Variants in TMPRSS11A observed in about 807,000 individuals in gnomAD.
TMPRSS11A encodes transmembrane serine protease 11A, also known as transmembrane protease serine 11A.
TMPRSS11A carries 53 observed loss-of-function variants against 58.9 expected under a neutral mutation model. That is an observed-to-expected ratio of 0.90 (90% confidence interval 0.72 to 1.13). The LOEUF (loss-of-function observed/expected upper bound fraction) is 1.13, where lower values mean the gene tolerates loss of function less well. Among genes scored for constraint, TMPRSS11A ranks in the 50% most tolerant of loss-of-function variants. TMPRSS11A has a pLI of 0.00. For synonymous variants in TMPRSS11A, 167 were observed against 169.8 expected (o/e 0.98, Z 0.13); for missense variants, 493 against 499.3 (o/e 0.99, Z 0.12).
At chr4:67,926,395 C>T (rs749044553) in intron 5 of TMPRSS11A, among the ~76,000 whole-genome samples, 3 of 152,170 alleles carry the variant, frequency 2.0e-5, no homozygotes, top group East Asian at 1.9e-4. Flanking sequence ...AAAAAATTGA[C>T]GTAAAGATTT....
chr4:67,921,568 C>G (rs976219411), intron 7 of TMPRSS11A, among the ~76,000 whole-genome samples: 2 of 152,044 alleles, frequency 1.3e-5, no homozygotes, highest in African/African-American at 4.8e-5. Flanking sequence ...CTCGGCCTCC[C>G]AAAATGCTGG....
In TMPRSS11A at chr4:67,921,905, G is replaced by A. The variant is rs377224951; in HGVS notation, c.692+850C>T. Among the ~76,000 whole-genome samples the A allele has an allele frequency of 3.9e-5, 6 of 152,236 alleles. No homozygotes were observed. The East Asian group carries it at 9.6e-4, about 24-fold the overall frequency. On this transcript the variant is annotated intron_variant, in intron 7 of 9. Coordinates refer to ENST00000508048, the MANE Select transcript of TMPRSS11A (RefSeq NM_001114387.2). ...GGCAATGAAGAAGAAAGGCGATACA[G>A]TTAATCTACTTAGAAACAAATCTAA...
chr4:67,957,568 G>A (rs1257737246), intron 1 of TMPRSS11A, among the ~76,000 whole-genome samples: 1 of 152,160 alleles, frequency 6.6e-6, no homozygotes, highest in Non-Finnish European at 1.5e-5. Context: ...AAGCAGCAAA[G>A]CATCCAAAAG....
chr4:67,947,493 T>C (rs1023311255), intron 1 of TMPRSS11A, among the ~76,000 whole-genome samples: 17 of 152,234 alleles, frequency 1.1e-4, no homozygotes, highest in African/African-American at 4.1e-4. Context: ...CCTGTGGTAT[T>C]ATTTAACTTG....
intron 1 of TMPRSS11A, among the ~76,000 whole-genome samples, chr4:67,948,074 A>G (rs569712729): frequency 2.0e-5 from 3 of 146,806 alleles, no homozygotes; most frequent in African/African-American, 7.7e-5. Flanking sequence ...AACAGAGGAT[A>G]TTTTTCATAT....
In TMPRSS11A at chr4:67,912,307, T is replaced by C. The variant is rs77564468; in HGVS notation, c.1096-804A>G. Among the ~76,000 whole-genome samples the C allele has an allele frequency of 7.1e-4, 102 of 142,770 alleles. 1 individual carries two copies. The highest frequency in any genetic ancestry group is 4.8e-4 in the African/African-American group (18 of 37,816). The allele number at this position is 142,770 out of a possible 152,430, so 93.7% of individuals were successfully genotyped here. ...ACACACACACACACACACACACACA[T>C]ACACACATACACATACACATACACA... On this transcript the variant is annotated intron_variant, in intron 9 of 9. Transcript: ENST00000508048.
At chr4:67,960,691 AT>A (rs992526515) in intron 1 of TMPRSS11A, among the ~76,000 whole-genome samples, 7 of 152,210 alleles carry the variant, frequency 4.6e-5, no homozygotes, top group Non-Finnish European at 5.9e-5. Context: ...TGAAGGTATA[AT>A]TTTAGAATAT....
At chr4:67,946,334 G>A (rs1721000377) in intron 2 of TMPRSS11A, 116 bp downstream of exon 2, 22 of 1,027,852 alleles carry the variant, frequency 2.1e-5, no homozygotes, top group Non-Finnish European at 2.7e-5. Context: ...AATATACTCT[G>A]TGGAAATTTG....
At chr4:67,927,079 C>T (rs1049185987) in intron 5 of TMPRSS11A, among the ~76,000 whole-genome samples, 4 of 152,294 alleles carry the variant, frequency 2.6e-5, no homozygotes, top group South Asian at 2.1e-4. Flanking sequence ...TTCTCTTGCT[C>T]AGTAAACCTT....
At chr4:67,928,282 G>T (rs182536523) in intron 5 of TMPRSS11A, among the ~76,000 whole-genome samples, 4 of 152,266 alleles carry the variant, frequency 2.6e-5, no homozygotes, top group Admixed American at 2.6e-4. Flanking sequence ...CTGACCTCAG[G>T]TGATCCACCC....
chr4:67,930,207 T>C (rs898406226), intron 4 of TMPRSS11A, among the ~76,000 whole-genome samples, 167 bp from the exon 5 acceptor site: 2 of 152,222 alleles, frequency 1.3e-5, no homozygotes, highest in African/African-American at 4.8e-5. Context: ...TTCCCTCTTC[T>C]AGCTTTCATT....
intron 5 of TMPRSS11A, among the ~76,000 whole-genome samples, chr4:67,927,251 G>C (rs1342410815): frequency 6.6e-6 from 1 of 152,280 alleles, no homozygotes; most frequent in African/African-American, 2.4e-5. Flanking sequence ...AGAGAGAAAA[G>C]CTGCAGCCCT....
intron 9 of TMPRSS11A, among the ~76,000 whole-genome samples, chr4:67,913,994 C>A (rs1261277408): frequency 6.6e-6 from 1 of 152,202 alleles, no homozygotes; most frequent in Non-Finnish European, 1.5e-5. Context: ...CACAACATGG[C>A]CTAATCCACC....
chr4:67,922,982 G>T, intron 6 of TMPRSS11A, 56 bp from the exon 7 acceptor site: 2 of 1,567,146 alleles, frequency 1.3e-6, no homozygotes, highest in South Asian at 2.3e-5. Flanking sequence ...TACAGGAAAT[G>T]ACCCCATTCT....
chr4:67,917,333 T>G (rs951602189), intron 8 of TMPRSS11A, among the ~76,000 whole-genome samples: 2 of 152,178 alleles, frequency 1.3e-5, no homozygotes, highest in Admixed American at 6.5e-5. Context: ...TCTATTTGTT[T>G]TTACAAATTT....
intron 1 of TMPRSS11A, among the ~76,000 whole-genome samples, chr4:67,961,999 A>G (rs1393234055): frequency 6.6e-6 from 1 of 152,220 alleles, no homozygotes; most frequent in East Asian, 1.9e-4. Flanking sequence ...GGAGAATATG[A>G]AATATGAAAA....
At chr4:67,947,081 T>C (rs996708533) in intron 1 of TMPRSS11A, among the ~76,000 whole-genome samples, 2 of 152,244 alleles carry the variant, frequency 1.3e-5, no homozygotes, top group African/African-American at 4.8e-5. Context: ...TGTTGAAAAT[T>C]TTACTGTATT....
intron 2 of TMPRSS11A, 135 bp downstream of exon 2, chr4:67,946,315 A>T (rs1720999589): frequency 1.2e-6 from 1 of 807,030 alleles, no homozygotes; most frequent in Non-Finnish European, 1.8e-6. Context: ...GAAATGACTG[A>T]AACAGTTAAA....
intron 3 of TMPRSS11A, among the ~76,000 whole-genome samples, chr4:67,943,485 A>C (rs1720928363): frequency 6.6e-6 from 1 of 152,142 alleles, no homozygotes. Flanking sequence ...GTCACTTAGG[A>C]CTGGAGGAGT....
Sources: gnomAD v4.1 joint callset for allele counts (sites outside exome capture counted in the v4.1 genomes callset) on GRCh38, gnomAD v4.1.1 for gene constraint, MANE v1.5 for transcripts, NCBI Gene and HGNC (gene_info 2026-07-23, HGNC 2026-07-21) for gene names.